PCDHA1: variants seen among roughly 807,000 people sequenced by gnomAD.
The protein encoded by PCDHA1 is protocadherin alpha-1.
In PCDHA1, 42 loss-of-function variants were observed where a neutral mutation model predicts 61.3. The observed-to-expected ratio is 0.69, with a 90% CI of 0.54 to 0.89. PCDHA1 has a LOEUF of 0.89. Among genes scored for constraint, PCDHA1 ranks in the 40% least tolerant of loss-of-function variants. The pLI, the probability that PCDHA1 is intolerant of heterozygous loss-of-function variation, is 0.00. For missense variants in PCDHA1, 1,256 were observed against 1,235.3 expected, an observed-to-expected ratio of 1.02 and a Z score of -0.25; for synonymous variants, 610 against 553.8, an observed-to-expected ratio of 1.10 and a Z score of -1.43.
At chr5:140,795,185 T>C (rs1761929277) in intron 1 of PCDHA1, 3 of 1,613,966 alleles carry the variant, frequency 1.9e-6, no homozygotes, top group Non-Finnish European at 2.5e-6. Context: ...CACGGGGACC[T>C]TCTGGAGGTA....
intron 1 of PCDHA1, chr5:140,968,689 A>T: frequency 2.5e-6 from 4 of 1,614,124 alleles, no homozygotes; most frequent in Non-Finnish European, 3.4e-6. Context: ...ACACAGGAGA[A>T]ATTAGGACTA....
intron 1 of PCDHA1, chr5:140,823,861 A>C: frequency 6.2e-7 from 1 of 1,613,800 alleles, no homozygotes; most frequent in Non-Finnish European, 8.5e-7. Flanking sequence ...GGTGGATGTC[A>C]ACGTGTACCT....
intron 1 of PCDHA1, chr5:140,816,924 A>G (rs1766027278): frequency 6.6e-6 from 1 of 152,074 alleles, no homozygotes; most frequent in Admixed American, 6.5e-5. Context: ...GATTCTGCTG[A>G]ATCCTATCAG....
At chr5:140,788,735 G>C (rs2149898657) in intron 1 of PCDHA1, 51 bp downstream of exon 1, 3 of 1,491,046 alleles carry the variant, frequency 2.0e-6, no homozygotes, top group South Asian at 2.8e-5. Context: ...TATTTAACTT[G>C]TCTAATCATC....
chr5:140,972,316 GT>G (rs112435719), intron 1 of PCDHA1, among the ~76,000 whole-genome samples: 1,932 of 139,568 alleles, frequency 0.014, 18 homozygotes, highest in African/African-American at 0.036. Context: ...GTTTTTAGGT[GT>G]TTTTTTTTTT....
chr5:141,006,384 T>C, intron 3 of PCDHA1, among the ~76,000 whole-genome samples: 2 of 152,126 alleles, frequency 1.3e-5, no homozygotes, highest in South Asian at 4.2e-4. Flanking sequence ...GCTAAGTTTT[T>C]TCTATTTTTT....
At chr5:140,896,114 G>A (rs1165904850) in intron 1 of PCDHA1, among the ~76,000 whole-genome samples, 1 of 152,030 alleles carries the variant, frequency 6.6e-6, no homozygotes, top group Non-Finnish European at 1.5e-5. Context: ...CCTGGCCAAT[G>A]TACTGCATTT....
chr5:141,004,632 GA>G (rs1401867459), intron 3 of PCDHA1, among the ~76,000 whole-genome samples: 19 of 152,200 alleles, frequency 1.2e-4, no homozygotes, highest in African/African-American at 3.4e-4. Context: ...TATGGTTGAA[GA>G]AAAATTTCCA....
At chr5:140,894,997 T>C (rs566489828) in intron 1 of PCDHA1, among the ~76,000 whole-genome samples, 4 of 152,178 alleles carry the variant, frequency 2.6e-5, no homozygotes, top group Non-Finnish European at 5.9e-5. Flanking sequence ...TCCTTTACCC[T>C]TTTTACTTGG....
intron 1 of PCDHA1, chr5:140,828,741 G>A (rs201515728): frequency 8.7e-6 from 14 of 1,614,102 alleles, no homozygotes; most frequent in African/African-American, 1.3e-5. Context: ...GCCACAGATG[G>A]GGGCAAACCT....
intron 1 of PCDHA1, among the ~76,000 whole-genome samples, chr5:140,977,512 G>GAAACTTGA: frequency 3.9e-5 from 6 of 152,278 alleles, no homozygotes; most frequent in Admixed American, 3.9e-4. Context: ...AGCATTTTGT[G>GAAACTTGA]AACTTGAAAA....
intron 1 of PCDHA1, chr5:140,837,222 G>A (rs1385766412): frequency 1.3e-5 from 2 of 152,114 alleles, no homozygotes; most frequent in Admixed American, 6.6e-5. Context: ...TGAATTTTAA[G>A]CATTTCTTTT....
chr5:140,851,867 A>T, intron 1 of PCDHA1: 2 of 977,010 alleles, frequency 2.0e-6, no homozygotes, highest in South Asian at 9.5e-5. Context: ...CATACATAAC[A>T]CAAGGCAGAA....
In PCDHA1 at chr5:140,928,021, T is replaced by G. The variant is rs1554205382; in HGVS notation, c.2395-50928T>G. ...CCTCGATTCTAATGGTAGGGTCATT[T>G]GTGGCATGTCTAGTGCAGGCCCTTT... On this transcript the variant is annotated intron_variant, in intron 1 of 3. Coordinates refer to ENST00000504120, the MANE Select transcript of PCDHA1 (RefSeq NM_018900.4). 3 of 1,614,220 alleles carry G rather than the reference T, an allele frequency of 1.9e-6. No individual in the cohort carries two copies. The African/African-American group carries it at 4.0e-5, about 22-fold the overall frequency.
At chr5:140,803,057 C>A in intron 1 of PCDHA1, 1 of 1,614,002 alleles carries the variant, frequency 6.2e-7, no homozygotes, top group Non-Finnish European at 8.5e-7. Flanking sequence ...GTGCGCGCAT[C>A]CCGTTTCGCG....
chr5:140,845,304 G>T (rs180945662), intron 1 of PCDHA1, among the ~76,000 whole-genome samples: 1 of 149,326 alleles, frequency 6.7e-6, no homozygotes, highest in African/African-American at 2.4e-5. Context: ...ATGTCTACCT[G>T]GTTCTCAGGT....
chr5:140,835,695 A>C (rs2150242144), intron 1 of PCDHA1: 1 of 1,613,830 alleles, frequency 6.2e-7, no homozygotes. Flanking sequence ...TCTGTGGGCC[A>C]CTGCTAGCGT....
chr5:140,807,107 T>G, intron 1 of PCDHA1: 1 of 1,466,078 alleles, frequency 6.8e-7, no homozygotes. Flanking sequence ...AGGATGCAGC[T>G]GCACTTGACT....
intron 1 of PCDHA1, among the ~76,000 whole-genome samples, chr5:140,933,464 A>G (rs1257783133): frequency 1.3e-5 from 2 of 152,074 alleles, no homozygotes; most frequent in African/African-American, 4.8e-5. Flanking sequence ...TATACTCTGA[A>G]TTCAAACACA....
Sources: allele counts gnomAD v4.1 joint callset (sites outside exome capture counted in the v4.1 genomes callset), GRCh38; gene constraint gnomAD v4.1.1; transcripts MANE v1.5; gene names NCBI Gene and HGNC (gene_info 2026-07-23, HGNC 2026-07-21).